CDH4: variants seen among roughly 807,000 people sequenced by gnomAD.
CDH4 encodes cadherin 4.
Under a neutral mutation model 86.0 loss-of-function variants are expected in CDH4, and 33 were observed. The observed-to-expected ratio is 0.38, with a 90% confidence interval of 0.29 to 0.51. CDH4 has a LOEUF of 0.51. Among genes scored for constraint, CDH4 ranks in the 20% least tolerant of loss-of-function variants. CDH4 has a pLI of 0.86. For synonymous variants in CDH4, 555 were observed against 549.4 expected (o/e 1.01, Z -0.14); for missense variants, 1,114 against 1,307.4 (o/e 0.85, Z 2.28).
chr20:61,646,851 A>G (rs1479139307), intron 2 of CDH4, among the ~76,000 whole-genome samples: 2 of 152,258 alleles, frequency 1.3e-5, no homozygotes, highest in Non-Finnish European at 2.9e-5. Flanking sequence ...CCAGCCTTAA[A>G]CATTTGATTA....
chr20:61,528,850 ATTT>A (rs11476710), intron 2 of CDH4, among the ~76,000 whole-genome samples: 4 of 142,556 alleles, frequency 2.8e-5, no homozygotes, highest in Admixed American at 1.4e-4. Context: ...GATGATCTTG[ATTT>A]TTTTTTTTTT....
chr20:61,909,206 C>G (rs2054823940), intron 8 of CDH4, among the ~76,000 whole-genome samples: 1 of 152,212 alleles, frequency 6.6e-6, no homozygotes, highest in Non-Finnish European at 1.5e-5. Context: ...ATGTGCACAG[C>G]AGCCCTGTCC....
intron 2 of CDH4, among the ~76,000 whole-genome samples, chr20:61,504,043 C>A (rs984487591): frequency 6.6e-6 from 1 of 152,222 alleles, no homozygotes; most frequent in African/African-American, 2.4e-5. Flanking sequence ...ACCACAGCAG[C>A]CTTCCCCATG....
chr20:61,664,350 G>T (rs2087298459), intron 2 of CDH4, among the ~76,000 whole-genome samples: 1 of 152,198 alleles, frequency 6.6e-6, no homozygotes, highest in Admixed American at 6.5e-5. Flanking sequence ...AAGCAGGATG[G>T]GAAGGATAGG....
chr20:61,632,553 G>T lies in CDH4; in HGVS notation c.170-111010G>T, dbSNP rs1212489197. 3.3e-5 allele frequency among the ~76,000 whole-genome samples: 5 copies of T among 151,978 alleles called. No homozygotes were observed. In the South Asian group the frequency reaches 1.0e-3, roughly 32 times the overall value. ...TACCAGCCCGGCTTCCCCCTCCCGGGCTGGGTGGTCTCTCCTTTGTAGAGG... is the reference window on the plus strand; with the variant it reads ...TACCAGCCCGGCTTCCCCCTCCCGGTCTGGGTGGTCTCTCCTTTGTAGAGG... On this transcript the variant is annotated intron_variant, in intron 2 of 15. Coordinates refer to ENST00000614565, the MANE Select transcript of CDH4 (RefSeq NM_001794.5).
intron 6 of CDH4, among the ~76,000 whole-genome samples, chr20:61,869,754 C>T (rs1019678575): frequency 6.6e-6 from 1 of 152,226 alleles, no homozygotes; most frequent in African/African-American, 2.4e-5. Context: ...CAGCAGCAGG[C>T]CCCTTCCGCC....
chr20:61,430,400 G>A (rs2085240004), intron 2 of CDH4, among the ~76,000 whole-genome samples: 1 of 152,160 alleles, frequency 6.6e-6, no homozygotes, highest in Non-Finnish European at 1.5e-5. Flanking sequence ...CTGCCTCCAG[G>A]CCATTTATAG....
In CDH4 at chr20:61,546,361, T is replaced by C. The variant is rs2086086999; in HGVS notation, c.170-197202T>C. On this transcript the variant is annotated intron_variant, in intron 2 of 15. Coordinates refer to ENST00000614565, the MANE Select transcript of CDH4 (RefSeq NM_001794.5). ...TGTATATGCGTGTGTGTGGTATGCATGTGGGTGTAGGGGTGAGGTATGTGT... is the reference window on the plus strand; with the variant it reads ...TGTATATGCGTGTGTGTGGTATGCACGTGGGTGTAGGGGTGAGGTATGTGT... Among the ~76,000 whole-genome samples the C allele has an allele frequency of 2.0e-5, 3 of 150,982 alleles. No homozygotes were observed. The South Asian group carries it at 6.3e-4, about 32-fold the overall frequency.
intron 2 of CDH4, among the ~76,000 whole-genome samples, chr20:61,532,990 A>T (rs1010516258): frequency 1.3e-5 from 2 of 152,120 alleles, no homozygotes; most frequent in African/African-American, 4.8e-5. Flanking sequence ...TCCCAGGCTC[A>T]CTGGTTCCTT....
At chr20:61,266,344 C>A (rs1295675747) in intron 2 of CDH4, among the ~76,000 whole-genome samples, 1 of 151,990 alleles carries the variant, frequency 6.6e-6, no homozygotes, top group Non-Finnish European at 1.5e-5. Context: ...CTCTTTGTCT[C>A]TGGAGAAGGC....
chr20:61,345,814 C>T (rs116533940), intron 2 of CDH4, among the ~76,000 whole-genome samples: 1,617 of 152,308 alleles, frequency 0.011, 25 homozygotes, highest in African/African-American at 0.037. Flanking sequence ...GAGAGGTGGA[C>T]AACCCCTGCC....
chr20:61,678,644 G>A (rs888488475), intron 2 of CDH4, among the ~76,000 whole-genome samples: 6 of 152,150 alleles, frequency 3.9e-5, no homozygotes, highest in East Asian at 3.9e-4. Context: ...CCTGGAGGCC[G>A]GGAGTCTGAA....
At chr20:61,304,860 G>C (rs1365742497) in intron 2 of CDH4, among the ~76,000 whole-genome samples, 1 of 150,968 alleles carries the variant, frequency 6.6e-6, no homozygotes, top group African/African-American at 2.4e-5. Flanking sequence ...CACGTGTATT[G>C]TGTGTGTGTG....
intron 9 of CDH4, among the ~76,000 whole-genome samples, chr20:61,920,335 G>A (rs1308290798): frequency 4.0e-5 from 6 of 150,770 alleles, no homozygotes; most frequent in Non-Finnish European, 8.9e-5. Flanking sequence ...TTGTGTGGAA[G>A]CGTGGTGTCA....
intron 2 of CDH4, among the ~76,000 whole-genome samples, chr20:61,302,618 G>T (rs2084392277): frequency 6.6e-6 from 1 of 152,144 alleles, no homozygotes; most frequent in South Asian, 2.1e-4. Flanking sequence ...ACTGGTTGGT[G>T]CCTCCCATGT....
At chr20:61,350,091 C>T (rs1229191382) in intron 2 of CDH4, among the ~76,000 whole-genome samples, 1 of 151,458 alleles carries the variant, frequency 6.6e-6, no homozygotes. Flanking sequence ...CCTCTCCCAC[C>T]CAGCGTCAGG....
chr20:61,924,631 G>A (rs886622482), intron 11 of CDH4, among the ~76,000 whole-genome samples, 155 bp downstream of exon 11: 11 of 152,050 alleles, frequency 7.2e-5, no homozygotes, highest in Admixed American at 2.0e-4. Flanking sequence ...TGCAGACACC[G>A]GTGATCAGGG....
intron 2 of CDH4, among the ~76,000 whole-genome samples, chr20:61,356,737 T>C (rs2084752723): frequency 6.6e-6 from 1 of 152,186 alleles, no homozygotes; most frequent in African/African-American, 2.4e-5. Context: ...AAAAGAAATT[T>C]TTTTCATCTA....
intron 2 of CDH4, among the ~76,000 whole-genome samples, chr20:61,686,453 G>GTA (rs58585692): frequency 2.6e-5 from 3 of 115,176 alleles, no homozygotes; most frequent in African/African-American, 8.4e-5. Flanking sequence ...GTGTGCATTC[G>GTA]TGTGTGTGCA....
Sources: gnomAD v4.1 joint callset for allele counts (sites outside exome capture counted in the v4.1 genomes callset) on GRCh38, gnomAD v4.1.1 for gene constraint, MANE v1.5 for transcripts, NCBI Gene and HGNC (gene_info 2026-07-23, HGNC 2026-07-21) for gene names.